Variants in ZNF486 observed in about 807,000 individuals in gnomAD.
ZNF486 encodes KRAB box only protein 2.
In ZNF486, 12 loss-of-function variants were observed where a neutral mutation model predicts 12.8. The observed-to-expected ratio is 0.94, with a 90% CI of 0.60 to 1.52. The LOEUF (loss-of-function observed/expected upper bound fraction) is 1.52, where lower values mean the gene tolerates loss of function less well. Ranked by LOEUF, ZNF486 falls within the 40% of genes most tolerant of loss-of-function variation. The pLI is 0.00. For synonymous variants in ZNF486, 231 were observed against 184.9 expected (o/e 1.25, Z -2.02); for missense variants, 738 against 545.0 (o/e 1.35, Z -3.53).
intron 3 of ZNF486, among the ~76,000 whole-genome samples, chr19:20,193,488 T>C (rs2089922599): frequency 6.6e-6 from 1 of 151,826 alleles, no homozygotes; most frequent in African/African-American, 2.4e-5. Context: ...GGTGAAACGC[T>C]GTCTCTACTA....
At chr19:20,174,397 CTTCTT>C (rs2089682433) in intron 1 of ZNF486, among the ~76,000 whole-genome samples, 4 of 148,192 alleles carry the variant, frequency 2.7e-5, no homozygotes, top group African/African-American at 7.7e-5. Context: ...TTCTTTCTTT[CTTCTT>C]TTTTTTTTTT....
chr19:20,170,013 C>T (rs994566091), intron 1 of ZNF486, among the ~76,000 whole-genome samples: 4 of 151,402 alleles, frequency 2.6e-5, no homozygotes, highest in African/African-American at 4.9e-5. Context: ...GCCTCAGCCT[C>T]CCGAGTAGCT....
At chr19:20,190,861 T>G (rs532064555) in intron 3 of ZNF486, among the ~76,000 whole-genome samples, 1 of 152,302 alleles carries the variant, frequency 6.6e-6, no homozygotes, top group East Asian at 1.9e-4. Flanking sequence ...TGCTGCAAAA[T>G]AAATCTTCAA....
intron 3 of ZNF486, among the ~76,000 whole-genome samples, chr19:20,189,209 T>C (rs1376297952): frequency 1.3e-5 from 2 of 152,118 alleles, no homozygotes; most frequent in African/African-American, 4.8e-5. Flanking sequence ...GTAGCTGTGA[T>C]TACAGGTGCC....
Position 20,197,024 on chromosome 19 carries a change from A to G in ZNF486, c.314A>G (p.Gln105Arg), listed in dbSNP as rs1322297108. 2 of 1,606,458 alleles carry G rather than the reference A, an allele frequency of 1.2e-6. No individual in the cohort carries two copies. Among genetic ancestry groups the G allele is most frequent in the Non-Finnish European group, 1.7e-6 (2 of 1,177,956 alleles). Residue 105 changes from glutamine to arginine, a missense_variant, in exon 4 of 4, where the codon CAA becomes CGA. Physicochemically the swap from Gln to Arg is conservative, Grantham distance 43. Coordinates refer to ENST00000335117, the MANE Select transcript of ZNF486 (RefSeq NM_052852.4). ...GAGCAGAGCATAAAAGATTCTTACCAAAAAGTGATACTGAGAAAATTTGAA... is the reference window on the plus strand; with the variant it reads ...GAGCAGAGCATAAAAGATTCTTACCGAAAAGTGATACTGAGAAAATTTGAA... ...WPEQSIKDSY[Q>R]KVILRKFEKC... is the part of the protein sequence containing the mutation.
At chr19:20,175,933 C>CA (rs2089705025) in intron 1 of ZNF486, among the ~76,000 whole-genome samples, 1 of 151,790 alleles carries the variant, frequency 6.6e-6, no homozygotes, top group East Asian at 2.0e-4. Flanking sequence ...CCTCACCTCC[C>CA]GGATGGGGCG....
At chr19:20,175,863 G>A (rs1187548326) in intron 1 of ZNF486, among the ~76,000 whole-genome samples, 1 of 152,316 alleles carries the variant, frequency 6.6e-6, no homozygotes, top group African/African-American at 2.4e-5. Context: ...TCCCAGATGG[G>A]GTGGTGGCCG....
intron 3 of ZNF486, among the ~76,000 whole-genome samples, chr19:20,187,464 T>C (rs1028190015): frequency 1.2e-4 from 18 of 151,824 alleles, no homozygotes; most frequent in Admixed American, 5.9e-4. Flanking sequence ...AGTTTTGTAT[T>C]GGTGCCTAAA....
chr19:20,168,379 G>A (rs933669087), intron 1 of ZNF486, among the ~76,000 whole-genome samples: 1 of 152,148 alleles, frequency 6.6e-6, no homozygotes, highest in African/African-American at 2.4e-5. Flanking sequence ...GAAGGGCCAG[G>A]CGCAGTGGCT....
At chr19:20,175,394 G>T (rs2089696029) in intron 1 of ZNF486, 1 of 144,722 alleles carries the variant, frequency 6.9e-6, no homozygotes, top group Non-Finnish European at 1.5e-5. Context: ...GATTTGGCAG[G>T]GTCATAGGAC....
In ZNF486 at chr19:20,181,441, A is replaced by C. The variant is rs1568321090; in HGVS notation, c.31-2915A>C. Among the ~76,000 whole-genome samples the C allele has an allele frequency of 3.3e-5, 5 of 151,716 alleles. No homozygotes were observed. The South Asian group carries it at 1.0e-3, about 32-fold the overall frequency. ...GTAGTCCCAGCTACTGAGGAGGCTG[A>C]GGCAGGAGAATGGCGTGAACCCAGG... On this transcript the variant is annotated intron_variant, in intron 1 of 3. Transcript: ENST00000335117.
chr19:20,184,466 A>G lies in ZNF486; in HGVS notation c.141A>G (p.Arg47=), dbSNP rs782525607. 22 of 1,611,164 alleles carry G rather than the reference A, an allele frequency of 1.4e-5. No individual in the cohort carries two copies. Among genetic ancestry groups the G allele is most frequent in the Non-Finnish European group, 1.7e-5 (20 of 1,179,010 alleles). The change falls in exon 2 of 4, where the codon AGA becomes AGG. Residue 47 remains arginine (R), a synonymous_variant. Transcript: ENST00000335117. ...GGGATGTGATGTTAGAGAACTACAG[A>G]CACCTGGTCTTCCTTGGTGAGGATA... ...LYRDVMLENY[R]HLVFLGIIVS... is the part of the protein sequence containing the mutation.
chr19:20,193,250 C>T (rs1251532289), intron 3 of ZNF486, among the ~76,000 whole-genome samples: 2 of 151,086 alleles, frequency 1.3e-5, no homozygotes, highest in African/African-American at 2.4e-5. Context: ...TGCAGATTTA[C>T]ATATTTCTTA....
At chr19:20,172,119 T>C (rs952573531) in intron 1 of ZNF486, among the ~76,000 whole-genome samples, 4 of 152,126 alleles carry the variant, frequency 2.6e-5, no homozygotes, top group African/African-American at 9.7e-5. Context: ...TTCTCCTGCC[T>C]CAGCCTCCCA....
At chr19:20,171,448 C>T (rs2089647226) in intron 1 of ZNF486, among the ~76,000 whole-genome samples, 1 of 152,234 alleles carries the variant, frequency 6.6e-6, no homozygotes, top group South Asian at 2.1e-4. Flanking sequence ...TTCACCACGG[C>T]ATTTTTGATC....
chr19:20,181,137 G>A (rs2089779909), intron 1 of ZNF486, among the ~76,000 whole-genome samples: 1 of 152,118 alleles, frequency 6.6e-6, no homozygotes, highest in South Asian at 2.1e-4. Flanking sequence ...CCCTACCCTG[G>A]AGTCTTGCCT....
intron 1 of ZNF486, among the ~76,000 whole-genome samples, chr19:20,173,652 T>A (rs2089673697): frequency 6.6e-6 from 1 of 151,916 alleles, no homozygotes; most frequent in African/African-American, 2.4e-5. Context: ...AACATAGTGA[T>A]ACCCATCTCT....
At chr19:20,178,541 C>G (rs1318827680) in intron 1 of ZNF486, among the ~76,000 whole-genome samples, 1 of 152,096 alleles carries the variant, frequency 6.6e-6, no homozygotes, top group Non-Finnish European at 1.5e-5. Flanking sequence ...CGCGCCTGGC[C>G]AAAGAAAATT....
In ZNF486 at chr19:20,199,520, C is replaced by T. The variant is rs1176610009; in HGVS notation, c.*1418C>T. ...CCAAGGTGGGAGGATCACCTGATGT[C>T]GGGAGTTTGAGATCAGACTGACCAA... On this transcript the variant is annotated 3_prime_UTR_variant, in exon 4 of 4. Coordinates refer to ENST00000335117, the MANE Select transcript of ZNF486 (RefSeq NM_052852.4). 6.6e-6 allele frequency: 1 copy of T among 150,798 alleles called. No homozygotes were observed. Among genetic ancestry groups the T allele is most frequent in the Non-Finnish European group, 1.5e-5 (1 of 67,748 alleles). The allele number at this position is 150,798 out of a possible 1,614,324, so 9.3% of individuals were successfully genotyped here. A position where few individuals can be genotyped will look rare whatever the true frequency, so the allele number is the denominator to read the frequency against.
Sources: gnomAD v4.1 joint callset for allele counts (sites outside exome capture counted in the v4.1 genomes callset) on GRCh38, gnomAD v4.1.1 for gene constraint, MANE v1.5 for transcripts, NCBI Gene and HGNC (gene_info 2026-07-23, HGNC 2026-07-21) for gene names.